HOOK3: variants seen among roughly 807,000 people sequenced by gnomAD.
The protein encoded by HOOK3 is protein Hook homolog 3.
A neutral mutation model predicts 116.3 loss-of-function variants in HOOK3; 24 were observed. The observed-to-expected ratio is 0.21, with a 90% CI of 0.15 to 0.29. The LOEUF (loss-of-function observed/expected upper bound fraction) is 0.29. HOOK3 is among the 10% of genes least tolerant of loss of function. The probability of loss-of-function intolerance (pLI) is 1.00; values close to 1 mark genes in which losing one functional copy is unlikely to be tolerated. For missense variants in HOOK3, 632 were observed against 830.2 expected, an observed-to-expected ratio of 0.76 and a Z score of 2.93; for synonymous variants, 275 against 283.0, an observed-to-expected ratio of 0.97 and a Z score of 0.28.
intron 2 of HOOK3, among the ~76,000 whole-genome samples, chr8:42,911,621 G>A (rs1807430653): frequency 6.6e-6 from 1 of 152,180 alleles, no homozygotes; most frequent in African/African-American, 2.4e-5. Context: ...TAGTAATTCA[G>A]AAGGAAGATA....
At chr8:42,927,925 T>A (rs563188942) in intron 3 of HOOK3, among the ~76,000 whole-genome samples, 146 of 152,162 alleles carry the variant, frequency 9.6e-4, no homozygotes, top group African/African-American at 3.4e-3. Flanking sequence ...GGCGGGTGGA[T>A]CACTTGCGGT....
intron 13 of HOOK3, among the ~76,000 whole-genome samples, chr8:42,981,187 G>C (rs1808934609): frequency 6.6e-6 from 1 of 151,718 alleles, no homozygotes; most frequent in Admixed American, 6.6e-5. Flanking sequence ...AAGTAGCTGG[G>C]AGTACAGGCA....
chr8:42,938,588 G>A (rs189999361), intron 4 of HOOK3, among the ~76,000 whole-genome samples: 1 of 152,140 alleles, frequency 6.6e-6, no homozygotes, highest in African/African-American at 2.4e-5. Flanking sequence ...GGCAGGCCTG[G>A]TGGTGACAAA....
Position 42,948,405 on chromosome 8 carries a change from G to A in HOOK3, c.401-1983G>A, listed in dbSNP as rs1296627733. On this transcript the variant is annotated intron_variant, in intron 5 of 21. Transcript: ENST00000307602. Reference sequence around the variant, plus strand: ...CATAAATTTTTTTATTTAAAAAACTGTACAGTAATTTAGTTCTCATCATCA... The same window carrying A: ...CATAAATTTTTTTATTTAAAAAACTATACAGTAATTTAGTTCTCATCATCA... Among the ~76,000 whole-genome samples the A allele has an allele frequency of 2.6e-4, 39 of 152,140 alleles. 1 individual carries two copies. The highest frequency in any genetic ancestry group is 2.6e-3 in the Admixed American group (39 of 15,280).
chr8:42,904,608 G>T (rs998564212), intron 1 of HOOK3, among the ~76,000 whole-genome samples: 1 of 152,098 alleles, frequency 6.6e-6, no homozygotes, highest in Non-Finnish European at 1.5e-5. Context: ...ACCGCCCCCG[G>T]CCAGATCTTA....
intron 15 of HOOK3, among the ~76,000 whole-genome samples, chr8:42,995,864 G>T (rs1809254244): frequency 6.6e-6 from 1 of 151,744 alleles, no homozygotes; most frequent in African/African-American, 2.4e-5. Context: ...TCTATTTCAG[G>T]CATATTTAGT....
chr8:43,008,153 G>A (rs1220847322), intron 18 of HOOK3, among the ~76,000 whole-genome samples: 1 of 151,792 alleles, frequency 6.6e-6, no homozygotes. Context: ...TGAGTAGCTG[G>A]GACTACAGGT....
chr8:42,943,276 A>G (rs370607424), intron 4 of HOOK3, 37 bp from the exon 5 acceptor site: 8 of 1,308,780 alleles, frequency 6.1e-6, no homozygotes, highest in Non-Finnish European at 8.0e-6. Flanking sequence ...GGTCATATAA[A>G]TGTAAATGCA....
chr8:42,898,233 C>G (rs1299711629), intron 1 of HOOK3, among the ~76,000 whole-genome samples: 1 of 152,138 alleles, frequency 6.6e-6, no homozygotes, highest in Non-Finnish European at 1.5e-5. Context: ...TAAAAATAGT[C>G]TGAGGTTTTT....
intron 17 of HOOK3, among the ~76,000 whole-genome samples, chr8:43,003,449 A>G (rs76707723): frequency 6.6e-6 from 1 of 152,170 alleles, no homozygotes; most frequent in Non-Finnish European, 1.5e-5. Flanking sequence ...TAAAAAAAAA[A>G]TTCTCATTCC....
At chr8:42,927,469 T>C (rs1807790929) in intron 3 of HOOK3, among the ~76,000 whole-genome samples, 1 of 152,148 alleles carries the variant, frequency 6.6e-6, no homozygotes, top group Non-Finnish European at 1.5e-5. Context: ...TTGGCTAGGC[T>C]GGTCTTGAAC....
intron 15 of HOOK3, among the ~76,000 whole-genome samples, chr8:42,992,202 C>T (rs1809176247): frequency 7.8e-6 from 1 of 127,750 alleles, no homozygotes; most frequent in Non-Finnish European, 1.7e-5. Flanking sequence ...AGATTGAGAC[C>T]ATCCTGGCGA....
chr8:42,977,867 C>CA (rs891854245), intron 13 of HOOK3, among the ~76,000 whole-genome samples: 8 of 150,842 alleles, frequency 5.3e-5, no homozygotes, highest in Admixed American at 5.3e-4. Context: ...ACTCTGTCTC[C>CA]AAAAAAAGAA....
At chr8:42,916,133 C>G (rs989245184) in intron 2 of HOOK3, among the ~76,000 whole-genome samples, 14 of 152,202 alleles carry the variant, frequency 9.2e-5, no homozygotes, top group African/African-American at 3.4e-4. Context: ...CACCTTCCAG[C>G]ACCCCTGACA....
At chr8:42,962,840 C>T (rs1427819240) in intron 8 of HOOK3, among the ~76,000 whole-genome samples, 1 of 129,140 alleles carries the variant, frequency 7.7e-6, no homozygotes, top group Non-Finnish European at 1.6e-5. Context: ...TCGCTCTTGT[C>T]CCCCAGTCTG....
chr8:42,904,898 A>G (rs772547400), intron 1 of HOOK3, among the ~76,000 whole-genome samples: 3 of 151,542 alleles, frequency 2.0e-5, no homozygotes, highest in Non-Finnish European at 1.5e-5. Flanking sequence ...ATACTGTTTC[A>G]TTTTTCCTAG....
intron 15 of HOOK3, among the ~76,000 whole-genome samples, chr8:42,990,647 G>C (rs1406771821): frequency 6.6e-6 from 1 of 151,864 alleles, no homozygotes; most frequent in Non-Finnish European, 1.5e-5. Flanking sequence ...AGCTCTCCTT[G>C]TGCCTATTTT....
intron 1 of HOOK3, 22 bp from the exon 2 acceptor site, chr8:42,906,151 C>T (rs201351323): frequency 2.7e-5 from 30 of 1,101,564 alleles, no homozygotes; most frequent in Middle Eastern, 4.2e-4. Flanking sequence ...TCTCTCCCCC[C>T]CCCCTCTTTT....
chr8:42,900,288 T>G (rs1011579163), intron 1 of HOOK3, among the ~76,000 whole-genome samples: 1 of 152,188 alleles, frequency 6.6e-6, no homozygotes, highest in South Asian at 2.1e-4. Context: ...AAATTTGCCC[T>G]GCCAATTACA....
Sources: allele counts gnomAD v4.1 joint callset (sites outside exome capture counted in the v4.1 genomes callset), GRCh38; gene constraint gnomAD v4.1.1; transcripts MANE v1.5; gene names NCBI Gene and HGNC (gene_info 2026-07-23, HGNC 2026-07-21).